The following CLASP1 variants were observed in gnomAD, a reference collection of about 807,000 sequenced individuals.
CLASP1 encodes the protein cytoplasmic linker associated protein 1.
Under a neutral mutation model 192.3 loss-of-function variants are expected in CLASP1, and 38 were observed. The observed-to-expected ratio is 0.20, with a 90% CI of 0.15 to 0.26. The LOEUF is 0.26. Ranked by LOEUF, CLASP1 falls within the 10% of genes least tolerant of loss-of-function variation. The probability of loss-of-function intolerance (pLI) is 1.00; values close to 1 mark genes in which losing one functional copy is unlikely to be tolerated. For missense variants in CLASP1, 1,433 were observed against 1,932.5 expected (o/e 0.74, Z 4.85); for synonymous variants, 691 against 712.8 (o/e 0.97, Z 0.49).
At chr2:121,467,130 G>C (rs983407142) in intron 9 of CLASP1, among the ~76,000 whole-genome samples, 1 of 152,146 alleles carries the variant, frequency 6.6e-6, no homozygotes, top group African/African-American at 2.4e-5. Flanking sequence ...CTCCATCCAT[G>C]TCCCTGCAAA....
At chr2:121,642,137 C>T (rs1204236495) in intron 1 of CLASP1, among the ~76,000 whole-genome samples, 3 of 151,654 alleles carry the variant, frequency 2.0e-5, no homozygotes, top group Non-Finnish European at 4.4e-5. Flanking sequence ...AAGATAACTA[C>T]TCAGACACAG....
chr2:121,365,384 C>T (rs1417263113), intron 35 of CLASP1, 100 bp from the exon 37 acceptor site: 6 of 1,123,632 alleles, frequency 5.3e-6, no homozygotes, highest in African/African-American at 1.5e-5. Context: ...TGCCTCCTCT[C>T]CCAGAGGCGA....
At chr2:121,595,320 T>C (rs1381938906) in intron 2 of CLASP1, among the ~76,000 whole-genome samples, 1 of 152,228 alleles carries the variant, frequency 6.6e-6, no homozygotes, top group African/African-American at 2.4e-5. Context: ...ATCTATGTTA[T>C]AATTACACCA....
chr2:121,407,863 G>A (rs1343634342), intron 24 of CLASP1, 148 bp from the exon 26 acceptor site: 7 of 993,672 alleles, frequency 7.0e-6, no homozygotes, highest in Non-Finnish European at 1.1e-5. Flanking sequence ...TATAGATTAG[G>A]GAAATAAAAA....
At chr2:121,522,100 C>T (rs140835631) in intron 6 of CLASP1, among the ~76,000 whole-genome samples, 2 of 152,230 alleles carry the variant, frequency 1.3e-5, no homozygotes, top group African/African-American at 4.8e-5. Flanking sequence ...AGAAGGGAGA[C>T]ATGGATTGAT....
At chr2:121,368,738 T>C (rs1213407321) in intron 34 of CLASP1, among the ~76,000 whole-genome samples, 4 of 152,220 alleles carry the variant, frequency 2.6e-5, no homozygotes, top group Non-Finnish European at 4.4e-5. Flanking sequence ...GTGACACCTA[T>C]GGCAAAATTT....
chr2:121,558,017 T>A (rs1159284901), intron 2 of CLASP1, among the ~76,000 whole-genome samples: 1 of 149,614 alleles, frequency 6.7e-6, no homozygotes. Context: ...GAGGCTGAGG[T>A]TGCAGTGAGC....
intron 31 of CLASP1, 37 bp downstream of exon 32, chr2:121,387,726 A>T (rs529170149): frequency 6.2e-7 from 1 of 1,609,302 alleles, no homozygotes; most frequent in Admixed American, 1.7e-5. Flanking sequence ...GAGGTCATGG[A>T]CATCACATAG....
chr2:121,338,485 T>C (rs1191995178), exon 40 of CLASP1: 4 of 152,308 alleles, frequency 2.6e-5, no homozygotes, highest in Non-Finnish European at 5.9e-5. Flanking sequence ...CTCTGCTCTT[T>C]TGTGTTCTGT....
chr2:121,536,505 T>G (rs1362079552), intron 2 of CLASP1, among the ~76,000 whole-genome samples: 1 of 151,938 alleles, frequency 6.6e-6, no homozygotes, highest in African/African-American at 2.4e-5. Flanking sequence ...AAACCCATAT[T>G]CACAGCATCA....
chr2:121,451,325 A>G (rs2085431080), intron 15 of CLASP1, among the ~76,000 whole-genome samples: 1 of 152,228 alleles, frequency 6.6e-6, no homozygotes, highest in African/African-American at 2.4e-5. Context: ...CAAACAACAA[A>G]AGCTTGTGTT....
At chr2:121,555,658 C>G (rs1458653150) in intron 2 of CLASP1, among the ~76,000 whole-genome samples, 1 of 152,214 alleles carries the variant, frequency 6.6e-6, no homozygotes, top group Admixed American at 6.5e-5. Flanking sequence ...TCCCAGCCCA[C>G]TCAAGGTCTA....
chr2:121,616,593 G>A (rs1412760814), intron 1 of CLASP1, among the ~76,000 whole-genome samples: 1 of 152,176 alleles, frequency 6.6e-6, no homozygotes, highest in East Asian at 1.9e-4. Context: ...GAAATTAGCA[G>A]GATCTACTCA....
At chr2:121,382,291 C>A in exon 33 of CLASP1, 1 of 1,594,174 alleles carries the variant, frequency 6.3e-7, no homozygotes, top group Non-Finnish European at 8.5e-7. Flanking sequence ...GTGGGTGCTT[C>A]GCTAACCCGT....
At chr2:121,563,253 T>C (rs1455627777) in intron 2 of CLASP1, among the ~76,000 whole-genome samples, 2 of 152,226 alleles carry the variant, frequency 1.3e-5, no homozygotes, top group Non-Finnish European at 2.9e-5. Context: ...GGATAGTTTA[T>C]ATTATGCTGA....
intron 8 of CLASP1, among the ~76,000 whole-genome samples, chr2:121,484,958 T>G (rs2092868881): frequency 6.6e-6 from 1 of 152,196 alleles, no homozygotes; most frequent in South Asian, 2.1e-4. Context: ...CAAAGAGACT[T>G]TCCAGTACAA....
chr2:121,418,965 C>T (rs1386232328), intron 22 of CLASP1, among the ~76,000 whole-genome samples: 2 of 151,912 alleles, frequency 1.3e-5, no homozygotes, highest in African/African-American at 2.4e-5. Flanking sequence ...AATTTCAGTA[C>T]GAAGGTGAAA....
chr2:121,600,758 C>T (rs534009591), intron 2 of CLASP1, among the ~76,000 whole-genome samples: 19 of 152,272 alleles, frequency 1.2e-4, no homozygotes, highest in African/African-American at 3.9e-4. Flanking sequence ...TCCATGCTAC[C>T]CCAGTCCCAT....
chr2:121,403,975 G>A (rs1488673858), intron 26 of CLASP1, among the ~76,000 whole-genome samples: 3 of 151,772 alleles, frequency 2.0e-5, no homozygotes, highest in Admixed American at 6.6e-5. Flanking sequence ...TATTCTACAC[G>A]GGATACAAAA....
Sources: allele counts gnomAD v4.1 joint callset (sites outside exome capture counted in the v4.1 genomes callset), GRCh38; gene constraint gnomAD v4.1.1; transcripts MANE v1.5; gene names NCBI Gene and HGNC (gene_info 2026-07-23, HGNC 2026-07-21).